RPS6KC1: variants seen among roughly 807,000 people sequenced by gnomAD.
RPS6KC1 encodes ribosomal protein S6 kinase C1, also known as inactive ribosomal protein S6 kinase delta-1.
RPS6KC1 carries 54 observed loss-of-function variants against 103.8 expected under a neutral mutation model. That is an observed-to-expected ratio of 0.52 (90% CI 0.42 to 0.65). The LOEUF is 0.65. RPS6KC1 is among the 30% of genes least tolerant of loss of function. The probability of loss-of-function intolerance (pLI) is 0.00; values close to 1 mark genes in which losing one functional copy is unlikely to be tolerated. For missense variants in RPS6KC1, 1,151 were observed against 1,253.8 expected (o/e 0.92, Z 1.24); for synonymous variants, 439 against 438.7 (o/e 1.00, Z -0.01).
At chr1:213,559,177 A>G in the RPS6KC1 span, among the ~76,000 whole-genome samples, 1 of 152,192 alleles carries the variant, frequency 6.6e-6, no homozygotes, top group African/African-American at 2.4e-5. Context: ...TTGAGGAAAC[A>G]GAGCACACAG....
the RPS6KC1 span, among the ~76,000 whole-genome samples, chr1:213,796,855 C>T: frequency 6.6e-6 from 1 of 152,190 alleles, no homozygotes; most frequent in African/African-American, 2.4e-5. Flanking sequence ...CTTCCCCATC[C>T]TCTCGCCCCC....
At chr1:213,072,131 A>T (rs188000670) in intron 2 of RPS6KC1, among the ~76,000 whole-genome samples, 239 of 151,476 alleles carry the variant, frequency 1.6e-3, no homozygotes, top group African/African-American at 5.6e-3. Flanking sequence ...CTGATTCTGC[A>T]ACAGTATTGT....
chr1:213,510,872 G>A, the RPS6KC1 span, among the ~76,000 whole-genome samples: 3 of 152,058 alleles, frequency 2.0e-5, no homozygotes, highest in East Asian at 1.9e-4. Flanking sequence ...CTACTTTGGT[G>A]CCTAGCCCAG....
chr1:213,542,747 C>T, the RPS6KC1 span, among the ~76,000 whole-genome samples: 1 of 152,168 alleles, frequency 6.6e-6, no homozygotes, highest in Non-Finnish European at 1.5e-5. Context: ...CAACAATGTG[C>T]ATAGATTCTG....
chr1:213,626,566 C>A, the RPS6KC1 span, among the ~76,000 whole-genome samples: 2 of 152,174 alleles, frequency 1.3e-5, 1 homozygote, highest in South Asian at 4.1e-4. Flanking sequence ...TTAGGTCTAA[C>A]ATTTAAGTTT....
the RPS6KC1 span, among the ~76,000 whole-genome samples, chr1:213,761,735 G>A: frequency 6.6e-6 from 1 of 152,164 alleles, no homozygotes; most frequent in Non-Finnish European, 1.5e-5. Context: ...TTTTTCAAGT[G>A]TGTAGAAAAT....
intron 12 of RPS6KC1, among the ~76,000 whole-genome samples, chr1:213,253,959 T>C (rs1009390918): frequency 6.6e-6 from 1 of 152,210 alleles, no homozygotes; most frequent in Non-Finnish European, 1.5e-5. Context: ...TCATAAGGAC[T>C]ATAAAACTTT....
the RPS6KC1 span, among the ~76,000 whole-genome samples, chr1:213,554,879 CA>C: frequency 1.3e-5 from 2 of 152,312 alleles, no homozygotes; most frequent in Admixed American, 1.3e-4. Context: ...TAACATAATA[CA>C]TTTTAATAAA....
chr1:213,424,586 T>G, the RPS6KC1 span, among the ~76,000 whole-genome samples: 2 of 152,262 alleles, frequency 1.3e-5, no homozygotes, highest in Non-Finnish European at 2.9e-5. Context: ...GTGGTCAAGT[T>G]GGGTTTGAGC....
chr1:213,177,438 A>G (rs776599442), intron 8 of RPS6KC1, among the ~76,000 whole-genome samples: 5 of 152,222 alleles, frequency 3.3e-5, no homozygotes, highest in African/African-American at 1.2e-4. Flanking sequence ...GTGTGATTCC[A>G]TCCTAAAATT....
chr1:213,530,348 T>A, the RPS6KC1 span, among the ~76,000 whole-genome samples: 3 of 152,222 alleles, frequency 2.0e-5, no homozygotes, highest in African/African-American at 7.2e-5. Context: ...CTCAGGGAAA[T>A]GCCTTGGGCA....
chr1:213,422,301 T>G, the RPS6KC1 span, among the ~76,000 whole-genome samples: 56,639 of 152,194 alleles, frequency 0.37, 12,318 homozygotes, highest in East Asian at 0.48. Context: ...CTTCAAATGG[T>G]TCATCCATGT....
At chr1:213,363,698 CTTTCCTT>C in the RPS6KC1 span, among the ~76,000 whole-genome samples, 246 of 93,034 alleles carry the variant, frequency 2.6e-3, 61 homozygotes, top group African/African-American at 0.014. Flanking sequence ...TTCTTTCTTT[CTTTCCTT>C]CTTTCTTTCT....
the RPS6KC1 span, among the ~76,000 whole-genome samples, chr1:213,554,350 G>T: frequency 6.6e-6 from 1 of 151,996 alleles, no homozygotes; most frequent in African/African-American, 2.4e-5. Flanking sequence ...CTTTATTTCT[G>T]GTTTCTCTAA....
chr1:213,538,478 T>G, the RPS6KC1 span, among the ~76,000 whole-genome samples: 4 of 151,954 alleles, frequency 2.6e-5, no homozygotes, highest in South Asian at 8.3e-4. Flanking sequence ...GTGGGTGGTG[T>G]GTGTGGTGGT....
chr1:213,072,065 CA>C (rs1450958037), intron 2 of RPS6KC1, among the ~76,000 whole-genome samples: 1 of 151,546 alleles, frequency 6.6e-6, no homozygotes, highest in Non-Finnish European at 1.5e-5. Context: ...GGACATATAT[CA>C]GGATTTTTTC....
chr1:213,575,360 C>G, the RPS6KC1 span, among the ~76,000 whole-genome samples: 2 of 152,132 alleles, frequency 1.3e-5, no homozygotes, highest in Non-Finnish European at 2.9e-5. Context: ...GCAATGAGAC[C>G]TGTAAGAGGA....
chr1:213,337,066 T>A, the RPS6KC1 span, among the ~76,000 whole-genome samples: 1 of 152,234 alleles, frequency 6.6e-6, no homozygotes, highest in Non-Finnish European at 1.5e-5. Context: ...TGTTGTTGAA[T>A]GAACTGCATT....
At chr1:213,834,412 T>C in the RPS6KC1 span, among the ~76,000 whole-genome samples, 2 of 152,144 alleles carry the variant, frequency 1.3e-5, no homozygotes, top group Admixed American at 6.5e-5. Flanking sequence ...CTGGTCCACA[T>C]AGGAGCATCC....
Sources: allele counts gnomAD v4.1 joint callset (sites outside exome capture counted in the v4.1 genomes callset), GRCh38; gene constraint gnomAD v4.1.1; transcripts MANE v1.5; gene names NCBI Gene and HGNC (gene_info 2026-07-23, HGNC 2026-07-21).